SVIL: variants seen among roughly 807,000 people sequenced by gnomAD.
The protein encoded by SVIL is supervillin.
In SVIL, 101 loss-of-function variants were observed where a neutral mutation model predicts 240.4. That is an observed-to-expected ratio of 0.42 (90% CI 0.36 to 0.50). SVIL has a LOEUF of 0.50. Ranked by LOEUF, SVIL falls within the 20% of genes least tolerant of loss-of-function variation. The pLI, the probability that SVIL is intolerant of heterozygous loss-of-function variation, is 0.01. For synonymous variants in SVIL, 999 were observed against 1,100.0 expected, an observed-to-expected ratio of 0.91 and a Z score of 1.82; for missense variants, 2,512 against 2,818.7, an observed-to-expected ratio of 0.89 and a Z score of 2.46.
intron 1 of SVIL, among the ~76,000 whole-genome samples, chr10:29,578,224 T>C (rs1266725769): frequency 6.6e-6 from 1 of 152,228 alleles, no homozygotes; most frequent in South Asian, 2.1e-4. Flanking sequence ...ATAACTCTGT[T>C]CATGTGTTTT....
At chr10:29,568,843 A>ATG (rs1272134967) in intron 2 of SVIL, among the ~76,000 whole-genome samples, 1 of 150,276 alleles carries the variant, frequency 6.7e-6, no homozygotes, top group African/African-American at 2.4e-5. Flanking sequence ...GTGTTTGTGT[A>ATG]TGTGTGTGTG....
intron 2 of SVIL, among the ~76,000 whole-genome samples, chr10:29,681,496 A>G (rs966163286): frequency 2.0e-5 from 3 of 151,784 alleles, no homozygotes; most frequent in Admixed American, 6.6e-5. Flanking sequence ...GATAAGAAGC[A>G]TAAGTTCATG....
intron 1 of SVIL, chr10:29,576,193 CAT>C (rs1955688053): frequency 1.2e-6 from 1 of 862,040 alleles, no homozygotes; most frequent in Non-Finnish European, 1.4e-6. Context: ...TATGGACACT[CAT>C]AAGAATGACA....
At chr10:29,632,088 C>T (rs1958117670) in intron 1 of SVIL, among the ~76,000 whole-genome samples, 1 of 152,248 alleles carries the variant, frequency 6.6e-6, no homozygotes, top group African/African-American at 2.4e-5. Context: ...AGCTTACTCT[C>T]CATAACGCTC....
At chr10:29,645,341 G>A (rs1282393162) in intron 3 of SVIL, among the ~76,000 whole-genome samples, 1 of 152,112 alleles carries the variant, frequency 6.6e-6, no homozygotes, top group Non-Finnish European at 1.5e-5. Context: ...AGGCCGAGGC[G>A]AGAGGATCAC....
chr10:29,466,496 T>A (rs1944944603), intron 33 of SVIL, among the ~76,000 whole-genome samples: 2 of 152,186 alleles, frequency 1.3e-5, no homozygotes, highest in African/African-American at 4.8e-5. Context: ...AGCACAGCGG[T>A]TCCACATCTA....
At chr10:29,628,169 C>A (rs1257589981) in intron 1 of SVIL, among the ~76,000 whole-genome samples, 1 of 152,112 alleles carries the variant, frequency 6.6e-6, no homozygotes, top group African/African-American at 2.4e-5. Flanking sequence ...TATCCAAAAC[C>A]ACTAAAACAT....
At chr10:29,711,117 G>A (rs1028018623) in intron 1 of SVIL, among the ~76,000 whole-genome samples, 2 of 147,318 alleles carry the variant, frequency 1.4e-5, no homozygotes, top group African/African-American at 4.9e-5. Flanking sequence ...AAAATTCAAG[G>A]GGGCCAGAAT....
intron 16 of SVIL, among the ~76,000 whole-genome samples, chr10:29,515,674 C>T (rs1308580163): frequency 1.3e-5 from 2 of 152,144 alleles, no homozygotes; most frequent in Non-Finnish European, 2.9e-5. Flanking sequence ...AGATTGGATT[C>T]AAATGATGAA....
At chr10:29,478,773 A>AATT (rs1946483444) in intron 29 of SVIL, among the ~76,000 whole-genome samples, 1 of 151,440 alleles carries the variant, frequency 6.6e-6, no homozygotes, top group Non-Finnish European at 1.5e-5. Flanking sequence ...AAAAAGAAAA[A>AATT]ATTAGCTTGA....
intron 35 of SVIL, 72 bp downstream of exon 35, chr10:29,463,420 T>A: frequency 6.6e-7 from 1 of 1,521,504 alleles, no homozygotes. Context: ...GGGAAGGGGG[T>A]CTCCTGGCTG....
intron 1 of SVIL, among the ~76,000 whole-genome samples, chr10:29,573,158 T>G (rs1219753933): frequency 6.6e-6 from 1 of 152,170 alleles, no homozygotes; most frequent in Non-Finnish European, 1.5e-5. Flanking sequence ...CCCATCACCC[T>G]GGTACTGAGC....
rs377129994 is a variant in SVIL at position 29,467,758 on chromosome 10, G to A, written c.5961C>T (p.Tyr1987=). The stretch of plus-strand genomic sequence containing the variant: ...CCACATTACCTTGAAGCATGCAATC[G>A]TAGGCTTTCCTGTCTCTCCTTCCTA... The part of the protein sequence containing the change: ...DALGRRDRKA[Y]DCMLQDPGSF... Residue 1987 remains tyrosine (Y), a synonymous_variant, in exon 33 of 38, where the codon TAC becomes TAT. Coordinates refer to ENST00000355867, the MANE Select transcript of SVIL (RefSeq NM_021738.3). 13 of 1,613,994 alleles carry A rather than the reference G, an allele frequency of 8.1e-6. No individual in the cohort carries two copies. The highest frequency in any genetic ancestry group is 3.3e-5 in the Admixed American group (2 of 60,002).
intron 3 of SVIL, 37 bp from the exon 4 acceptor site, chr10:29,555,145 T>G: frequency 6.4e-7 from 1 of 1,555,558 alleles, no homozygotes; most frequent in Non-Finnish European, 8.7e-7. Context: ...ATATAGTATT[T>G]AGTAGTCGTG....
intron 1 of SVIL, among the ~76,000 whole-genome samples, chr10:29,585,261 C>T (rs1209722850): frequency 6.6e-6 from 1 of 151,998 alleles, no homozygotes; most frequent in East Asian, 1.9e-4. Context: ...AGAGTTTTGC[C>T]ATGTTGCCCA....
rs911158269 is a variant in SVIL, at chr10:29,536,047, A to G, written c.850T>C (p.Trp284Arg). 3.1e-6 allele frequency: 5 copies of G among 1,614,122 alleles called. No homozygotes were observed. In the African/African-American group the frequency reaches 6.7e-5, roughly 22 times the overall value. ...CCTTCGGAATCTTTCTGGAGAAACC[A>G]CTCATGTTTGGGTTTCCCTGTACTA... ...RPSTGKPKHEWFLQKDSEGDT... is the reference protein window; with the variant it reads ...RPSTGKPKHERFLQKDSEGDT... The change falls in exon 7 of 38, where the codon TGG becomes CGG. Residue 284 changes from tryptophan (W) to arginine (R), a missense_variant. Coordinates refer to ENST00000355867, the MANE Select transcript of SVIL (RefSeq NM_021738.3).
intron 3 of SVIL, among the ~76,000 whole-genome samples, chr10:29,653,373 A>T (rs970908991): frequency 2.6e-5 from 4 of 152,004 alleles, no homozygotes; most frequent in African/African-American, 7.3e-5. Context: ...TTCTGCCATG[A>T]TTGTAAGTTT....
At chr10:29,720,358 T>C (rs1284062798) in intron 1 of SVIL, among the ~76,000 whole-genome samples, 1 of 152,170 alleles carries the variant, frequency 6.6e-6, no homozygotes, top group Non-Finnish European at 1.5e-5. Context: ...AAATTGTCAA[T>C]CTATAATTCT....
intron 3 of SVIL, among the ~76,000 whole-genome samples, chr10:29,648,944 C>T (rs1310959315): frequency 6.6e-6 from 1 of 151,700 alleles, no homozygotes; most frequent in Admixed American, 6.6e-5. Context: ...TTGAGACCAG[C>T]CTGGACAACA....
Sources: gnomAD v4.1 joint callset for allele counts (sites outside exome capture counted in the v4.1 genomes callset) on GRCh38, gnomAD v4.1.1 for gene constraint, MANE v1.5 for transcripts, NCBI Gene and HGNC (gene_info 2026-07-23, HGNC 2026-07-21) for gene names.